The following OR2V1 variants were observed in gnomAD, a reference collection of about 807,000 sequenced individuals.
OR2V1 encodes olfactory receptor family 2 subfamily V member 1, also known as olfactory receptor 2V1.
Under a neutral mutation model 15.0 loss-of-function variants are expected in OR2V1, and 18 were observed. That is an observed-to-expected ratio of 1.20 (90% CI 0.83 to 1.78). The LOEUF (loss-of-function observed/expected upper bound fraction) is 1.78, where lower values mean the gene tolerates loss of function less well. OR2V1 is among the 40% of genes most tolerant of loss of function. The pLI is 0.00. For missense variants in OR2V1, 359 were observed against 392.9 expected (o/e 0.91, Z 0.73); for synonymous variants, 144 against 146.1 (o/e 0.99, Z 0.10).
chr5:181,127,107 A>C (rs1762884762), intron 3 of OR2V1, among the ~76,000 whole-genome samples: 1 of 152,206 alleles, frequency 6.6e-6, no homozygotes, highest in African/African-American at 2.4e-5. Flanking sequence ...CACTGGTGCC[A>C]TCTGACACCC....
At position 181,124,898 on chromosome 5, in the gene OR2V1, A is replaced by T. The variant is rs1456417763; in HGVS notation, c.407T>A (p.Leu136His). ...AVSHPLHYPI[L>H]MNQRVCLQIT... ...CTGGAGACAGACCCTCTGATTCATG[A>T]GGATGGGATAGTGAAGTGGGTGGCT... The change falls in exon 4 of 4, where the codon CTC (leucine) becomes CAC (histidine). Residue 136 changes from leucine (L) to histidine (H), a missense_variant. Leu to His is a moderately conservative substitution (Grantham distance 99). Coordinates refer to ENST00000641551, the MANE Select transcript of OR2V1 (RefSeq NM_001258283.2). 1.9e-6 allele frequency: 3 copies of T among 1,613,506 alleles called. No homozygotes were observed. The highest frequency in any genetic ancestry group is 2.5e-6 in the Non-Finnish European group (3 of 1,179,658).
chr5:181,123,205 T>C lies in OR2V1; in HGVS notation c.*1152A>G, dbSNP rs1329018445. 2 of 152,230 alleles carry C rather than the reference T, an allele frequency of 1.3e-5. No individual in the cohort carries two copies. Among genetic ancestry groups the C allele is most frequent in the Non-Finnish European group, 2.9e-5 (2 of 68,036 alleles). 9.4% of individuals were successfully genotyped at this position (152,230 alleles called of 1,614,324 possible). ...TGTTTTATTGAGCAACTGCTACTTATAAGGCACAGGGTCTGGTACTGGTAA... is the reference window on the plus strand; with the variant it reads ...TGTTTTATTGAGCAACTGCTACTTACAAGGCACAGGGTCTGGTACTGGTAA... On this transcript the variant is annotated 3_prime_UTR_variant, in exon 4 of 4. Transcript: ENST00000641551.
At chr5:181,128,397 G>T (rs1423377178) in intron 3 of OR2V1, among the ~76,000 whole-genome samples, 3 of 152,138 alleles carry the variant, frequency 2.0e-5, no homozygotes, top group East Asian at 3.9e-4. Context: ...GCCCAACCTG[G>T]TCTATTTGTC....
At position 181,124,827 on chromosome 5, in the gene OR2V1, G is replaced by A; in HGVS notation, c.478C>T (p.Gln160Ter). ...WAFGIIDGVIQMVAAMGLPYC... is the reference protein window; with the variant it reads ...WAFGIIDGVI The stretch of plus-strand genomic sequence containing the variant: ...GGTAAGCCCATGGCTGCCACCATCT[G>A]AATCACTCCATCTATTATCCCAAAG... The change falls in exon 4 of 4, where the codon CAG becomes TAG. Residue 160 changes from glutamine to a stop codon, truncating the protein, a stop_gained. Coordinates refer to ENST00000641551, the MANE Select transcript of OR2V1 (RefSeq NM_001258283.2). LOFTEE classifies it high-confidence loss of function. The A allele has an allele frequency of 6.3e-7, 1 of 1,595,914 alleles. No homozygotes were observed. Among genetic ancestry groups the A allele is most frequent in the Non-Finnish European group, 8.5e-7 (1 of 1,170,906 alleles).
In OR2V1 at chr5:181,124,261, T is replaced by TA. The variant is rs1385733425; in HGVS notation, c.*95_*96insT. On this transcript the variant is annotated 3_prime_UTR_variant, in exon 4 of 4. Coordinates refer to ENST00000641551, the MANE Select transcript of OR2V1 (RefSeq NM_001258283.2). ...AAACCTATAAACCATCCAATGACCA[T>TA]CAACAGGTGAATGGAAACAGACACT... The TA allele has an allele frequency of 8.4e-7, 1 of 1,186,218 alleles. No individual in the cohort carries two copies. Among genetic ancestry groups the TA allele is most frequent in the Non-Finnish European group, 1.1e-6 (1 of 877,520 alleles). The allele number at this position is 1,186,218 out of a possible 1,614,324, so 73.5% of individuals were successfully genotyped here.
rs1475032567 is a variant in OR2V1, at chr5:181,125,156, A to G, written c.149T>C (p.Ile50Thr). 1 of 1,614,000 alleles carries G rather than the reference A, an allele frequency of 6.2e-7. No individual in the cohort carries two copies. The highest frequency in any genetic ancestry group is 1.3e-5 in the African/African-American group (1 of 74,876). ...GGTGTGAAGTCCAGCGTCCAGGTAG[A>G]TGAGGAAGATGAGGAGGACATTCCC... The part of the protein sequence containing the change: ...LCGNVLLIFL[I>T]YLDAGLHTPM... The change falls in exon 4 of 4, where the codon ATC (isoleucine) becomes ACC (threonine). Residue 50 changes from isoleucine to threonine, a missense_variant. Transcript: ENST00000641551.
At chr5:181,129,104 C>T (rs1485350579) in intron 3 of OR2V1, among the ~76,000 whole-genome samples, 1 of 152,164 alleles carries the variant, frequency 6.6e-6, no homozygotes, top group Non-Finnish European at 1.5e-5. Flanking sequence ...TTGTGGCACA[C>T]ATCTGTAGTC....
At chr5:181,126,257 C>T (rs1194743196) in intron 3 of OR2V1, among the ~76,000 whole-genome samples, 1 of 152,194 alleles carries the variant, frequency 6.6e-6, no homozygotes, top group African/African-American at 2.4e-5. Context: ...CTCCCAGCTT[C>T]TATCCTTGAA....
In OR2V1 at chr5:181,124,121, A is replaced by G. The variant is rs146263776; in HGVS notation, c.*236T>C. Reference sequence around the variant, plus strand: ...AGCCGTTGCTTCTTCATGGAGCTTTAGATTGACACATTGTGATCTTTACAA... The same window carrying G: ...AGCCGTTGCTTCTTCATGGAGCTTTGGATTGACACATTGTGATCTTTACAA... On this transcript the variant is annotated 3_prime_UTR_variant, in exon 4 of 4. Transcript: ENST00000641551. The G allele has an allele frequency of 3.9e-4, 154 of 391,428 alleles. No homozygotes were observed. The highest frequency in any genetic ancestry group is 2.9e-3 in the African/African-American group (140 of 48,720). The allele number at this position is 391,428 out of a possible 1,614,324, so 24.2% of individuals were successfully genotyped here. A position where few individuals can be genotyped will look rare whatever the true frequency, so the allele number is the denominator to read the frequency against.
Position 181,125,061 on chromosome 5 carries a change from T to C in OR2V1, c.244A>G (p.Met82Val). The C allele has an allele frequency of 6.2e-7, 1 of 1,614,170 alleles. No individual in the cohort carries two copies. Among genetic ancestry groups the C allele is most frequent in the South Asian group, 1.1e-5 (1 of 91,074 alleles). The change falls in exon 4 of 4, where the codon ATG (methionine) becomes GTG (valine). Residue 82 changes from methionine (M) to valine (V), a missense_variant. Coordinates refer to ENST00000641551, the MANE Select transcript of OR2V1 (RefSeq NM_001258283.2). ...CTGCCAGACAGGAAGTTGGCTGCCA[T>C]CTTTGGCACAATGTTACAGACCAAC... The part of the protein sequence containing the change: ...LMLVCNIVPK[M>V]AANFLSGRKS...
rs575234256 is a variant in OR2V1, at chr5:181,126,140, C to T, written c.-21-815G>A. Among the ~76,000 whole-genome samples, 10 of 152,168 alleles carry T rather than the reference C, an allele frequency of 6.6e-5. No homozygotes were observed. The South Asian group carries it at 2.1e-3, about 32-fold the overall frequency. Reference sequence around the variant, plus strand: ...ATCAGAAAAGCCCCTTGGCCCATACCCTCAGTGTTTCTCAGAATCTAATTC... The same window carrying T: ...ATCAGAAAAGCCCCTTGGCCCATACTCTCAGTGTTTCTCAGAATCTAATTC... On this transcript the variant is annotated intron_variant, in intron 3 of 3. Transcript: ENST00000641551.
chr5:181,128,982 C>T (rs1226659139), intron 3 of OR2V1, among the ~76,000 whole-genome samples: 2 of 152,186 alleles, frequency 1.3e-5, no homozygotes, highest in Non-Finnish European at 2.9e-5. Context: ...AATTCCAAAA[C>T]TTTGAAAGGC....
rs1360431350 is a variant in OR2V1 at position 181,130,187 on chromosome 5, C to T, written c.-92G>A. ...CCCTCACTCACCTGTGGGTGGGTCC[C>T]TGCAGGGGAACAAACTCAGCAGAGT... On this transcript the variant is annotated 5_prime_UTR_variant, in exon 2 of 4. Coordinates refer to ENST00000641551, the MANE Select transcript of OR2V1 (RefSeq NM_001258283.2). 1 of 398,776 alleles carries T rather than the reference C, an allele frequency of 2.5e-6. No individual in the cohort carries two copies. The highest frequency in any genetic ancestry group is 4.4e-6 in the Non-Finnish European group (1 of 226,142). The allele number at this position is 398,776 out of a possible 1,614,324, so 24.7% of individuals were successfully genotyped here. A position where few individuals can be genotyped will look rare whatever the true frequency, so the allele number is the denominator to read the frequency against.
In OR2V1 at chr5:181,124,570, G is replaced by A. The variant is rs1762846513; in HGVS notation, c.735C>T (p.His245=). The A allele has an allele frequency of 5.6e-6, 9 of 1,613,060 alleles. No homozygotes were observed. The highest frequency in any genetic ancestry group is 1.6e-4 in the Middle Eastern group (1 of 6,076). The part of the protein sequence containing the change: ...WKKALATCSS[H]LTAVTLFYGA... Reference sequence around the variant, plus strand: ...CATAGAAGAGGGTGACAGCTGTTAGGTGGGAGGAGCAGGTGGCCAGGGCTT... The same window carrying A: ...CATAGAAGAGGGTGACAGCTGTTAGATGGGAGGAGCAGGTGGCCAGGGCTT... Residue 245 remains histidine, a synonymous_variant, in exon 4 of 4, where the codon CAC becomes CAT. Coordinates refer to ENST00000641551, the MANE Select transcript of OR2V1 (RefSeq NM_001258283.2).
intron 3 of OR2V1, among the ~76,000 whole-genome samples, chr5:181,125,690 A>G (rs1762863839): frequency 6.6e-6 from 1 of 152,230 alleles, no homozygotes; most frequent in Non-Finnish European, 1.5e-5. Flanking sequence ...ATGTGTTACA[A>G]AAAGGAAAGA....
At chr5:181,130,553 C>T (rs1320537345) in intron 1 of OR2V1, 3 of 294,866 alleles carry the variant, frequency 1.0e-5, no homozygotes, top group African/African-American at 2.1e-5. Context: ...GTGGCAGAAC[C>T]GCCTCCCACT....
chr5:181,127,791 C>T (rs1393394229), intron 3 of OR2V1, among the ~76,000 whole-genome samples: 1 of 151,996 alleles, frequency 6.6e-6, no homozygotes, highest in African/African-American at 2.4e-5. Flanking sequence ...AGGTTCCACC[C>T]AGCAGCGAAA....
intron 3 of OR2V1, among the ~76,000 whole-genome samples, chr5:181,126,661 C>T (rs1025729212): frequency 3.3e-5 from 5 of 152,056 alleles, no homozygotes; most frequent in Admixed American, 3.3e-4. Context: ...GACATACAGA[C>T]ATGGAAAGAT....
chr5:181,126,483 CACACATAG>C (rs540739370), intron 3 of OR2V1, among the ~76,000 whole-genome samples: 434 of 151,230 alleles, frequency 2.9e-3, no homozygotes, highest in Non-Finnish European at 4.6e-3. Flanking sequence ...GACACTAATA[CACACATAG>C]ACACACACAC....
Sources: gnomAD v4.1 joint callset for allele counts (sites outside exome capture counted in the v4.1 genomes callset) on GRCh38, gnomAD v4.1.1 for gene constraint, MANE v1.5 for transcripts, NCBI Gene and HGNC (gene_info 2026-07-23, HGNC 2026-07-21) for gene names.